OPCML: variants seen among roughly 807,000 people sequenced by gnomAD.
OPCML encodes opioid binding protein/cell adhesion molecule like, also known as opioid-binding protein/cell adhesion molecule.
Under a neutral mutation model 37.8 loss-of-function variants are expected in OPCML, and 13 were observed. The ratio of observed to expected loss-of-function variants is 0.34; its 90% CI spans 0.22 to 0.55. The LOEUF (loss-of-function observed/expected upper bound fraction) is 0.55. Among genes scored for constraint, OPCML ranks in the 20% least tolerant of loss-of-function variants. The probability of loss-of-function intolerance (pLI) is 0.91; values close to 1 mark genes in which losing one functional copy is unlikely to be tolerated. For synonymous variants in OPCML, 176 were observed against 168.8 expected (o/e 1.04, Z -0.33); for missense variants, 341 against 435.6 (o/e 0.78, Z 1.93).
At chr11:133,307,565 T>G (rs1481756390) in intron 1 of OPCML, among the ~76,000 whole-genome samples, 3 of 152,214 alleles carry the variant, frequency 2.0e-5, no homozygotes, top group Non-Finnish European at 4.4e-5. Context: ...ATGAACACAC[T>G]GTTATCCTTC....
intron 1 of OPCML, among the ~76,000 whole-genome samples, chr11:133,373,334 G>A (rs1340877362): frequency 2.0e-5 from 3 of 150,968 alleles, no homozygotes; most frequent in Non-Finnish European, 2.9e-5. Flanking sequence ...AGGCTGAGGC[G>A]GGCAGGCCAT....
chr11:132,959,504 C>T (rs971926555), intron 1 of OPCML, among the ~76,000 whole-genome samples: 1 of 152,206 alleles, frequency 6.6e-6, no homozygotes, highest in African/African-American at 2.4e-5. Context: ...AAAATGCTAT[C>T]AAACAGCATC....
intron 2 of OPCML, among the ~76,000 whole-genome samples, chr11:132,805,528 T>C (rs931932440): frequency 6.6e-6 from 1 of 151,928 alleles, no homozygotes; most frequent in African/African-American, 2.4e-5. Context: ...GAAAACCAAA[T>C]AAAAAGAGCA....
chr11:132,834,189 T>C (rs1157008122), intron 2 of OPCML, among the ~76,000 whole-genome samples: 1 of 152,182 alleles, frequency 6.6e-6, no homozygotes, highest in Non-Finnish European at 1.5e-5. Flanking sequence ...GAGAATTACC[T>C]ATTGAGAGAG....
chr11:132,886,985 C>T (rs1943447480), intron 2 of OPCML, among the ~76,000 whole-genome samples: 1 of 151,992 alleles, frequency 6.6e-6, no homozygotes, highest in South Asian at 2.1e-4. Context: ...ATCTCAGAGC[C>T]CCAGTTTTAT....
rs147516018 is a variant in OPCML at position 133,244,651 on chromosome 11, G to A, written c.61+287613C>T. Among the ~76,000 whole-genome samples, 500 of 152,064 alleles carry A rather than the reference G, an allele frequency of 3.3e-3. 4 individuals are homozygous for A. The highest frequency in any genetic ancestry group is 0.012 in the African/African-American group (481 of 41,482). ...TTCTCAGGATAGTGAGTGAGTTCTC[G>A]TGAGATCTGACAATTTAAATGTGTG... On this transcript the variant is annotated intron_variant, in intron 1 of 7. Transcript: ENST00000524381.
intron 3 of OPCML, among the ~76,000 whole-genome samples, chr11:132,565,715 C>T (rs928992914): frequency 1.3e-5 from 2 of 152,134 alleles, no homozygotes; most frequent in Non-Finnish European, 2.9e-5. Flanking sequence ...ATCATATTAC[C>T]TAGACCTGTT....
intron 1 of OPCML, among the ~76,000 whole-genome samples, chr11:133,243,061 C>T (rs898016845): frequency 6.6e-6 from 1 of 152,122 alleles, no homozygotes; most frequent in Middle Eastern, 3.2e-3. Context: ...GGGAGCTCAT[C>T]GTGTGTTTGC....
chr11:132,715,640 G>T (rs1299245403), intron 2 of OPCML, among the ~76,000 whole-genome samples: 1 of 152,198 alleles, frequency 6.6e-6, no homozygotes, highest in African/African-American at 2.4e-5. Context: ...TGCCATGTGA[G>T]GTTACAATGA....
intron 1 of OPCML, among the ~76,000 whole-genome samples, chr11:133,217,416 T>C (rs997099680): frequency 2.0e-5 from 3 of 152,286 alleles, no homozygotes; most frequent in Non-Finnish European, 4.4e-5. Context: ...CTTCTGGTCT[T>C]AGGTTTTCAC....
intron 2 of OPCML, among the ~76,000 whole-genome samples, chr11:132,667,961 T>C (rs1942293668): frequency 6.6e-6 from 1 of 152,188 alleles, no homozygotes; most frequent in African/African-American, 2.4e-5. Flanking sequence ...TTATCCCGTG[T>C]TGGAGTACGC....
chr11:132,614,726 C>T (rs73049195), intron 3 of OPCML, among the ~76,000 whole-genome samples: 5,343 of 152,228 alleles, frequency 0.035, 159 homozygotes, highest in East Asian at 0.059. Flanking sequence ...TTCAGAATGG[C>T]ATTGATGATG....
intron 2 of OPCML, among the ~76,000 whole-genome samples, chr11:132,796,769 G>A (rs1938348478): frequency 6.6e-6 from 1 of 151,824 alleles, no homozygotes; most frequent in African/African-American, 2.4e-5. Flanking sequence ...TAGTAGAGAC[G>A]GGGTTTCACT....
intron 3 of OPCML, among the ~76,000 whole-genome samples, chr11:132,584,821 T>C (rs2096469072): frequency 6.6e-6 from 1 of 152,224 alleles, no homozygotes. Flanking sequence ...CTGAAATAAG[T>C]TCAAAGTGTC....
At chr11:133,397,586 G>A (rs1274390197) in intron 1 of OPCML, among the ~76,000 whole-genome samples, 5 of 152,212 alleles carry the variant, frequency 3.3e-5, no homozygotes, top group Admixed American at 1.3e-4. Flanking sequence ...ACATTTGGGC[G>A]ATGCATTTGG....
At chr11:133,065,219 G>A (rs552521078) in intron 1 of OPCML, 51 of 152,624 alleles carry the variant, frequency 3.3e-4, no homozygotes, top group African/African-American at 1.2e-3. Context: ...GCTTCACTGG[G>A]GCCTCCGGGG....
intron 3 of OPCML, among the ~76,000 whole-genome samples, chr11:132,639,155 G>C (rs530341139): frequency 1.3e-5 from 2 of 152,180 alleles, no homozygotes; most frequent in Non-Finnish European, 2.9e-5. Flanking sequence ...ATCAAAACTG[G>C]TCAGGACCCA....
chr11:133,397,013 C>T (rs1592263672), intron 1 of OPCML, among the ~76,000 whole-genome samples: 1 of 152,254 alleles, frequency 6.6e-6, no homozygotes, highest in East Asian at 1.9e-4. Context: ...TTCATCACTC[C>T]TCAACAACGT....
intron 1 of OPCML, among the ~76,000 whole-genome samples, chr11:133,090,737 A>C (rs1449490635): frequency 6.6e-6 from 1 of 152,184 alleles, no homozygotes; most frequent in Non-Finnish European, 1.5e-5. Flanking sequence ...AGAAGAAAGA[A>C]ATGAAGTGAA....
Sources: allele counts gnomAD v4.1 joint callset (sites outside exome capture counted in the v4.1 genomes callset), GRCh38; gene constraint gnomAD v4.1.1; transcripts MANE v1.5; gene names NCBI Gene and HGNC (gene_info 2026-07-23, HGNC 2026-07-21).